PABPC4L: variants seen among roughly 807,000 people sequenced by gnomAD.
PABPC4L encodes polyadenylate-binding protein 4-like.
For missense variants in PABPC4L, 452 were observed against 451.4 expected (o/e 1.00, Z -0.01); for synonymous variants, 169 against 164.1 (o/e 1.03, Z -0.23).
chr4:134,029,819 A>T, the PABPC4L span, among the ~76,000 whole-genome samples: 61 of 151,996 alleles, frequency 4.0e-4, no homozygotes, highest in Middle Eastern at 3.4e-3. Context: ...TCCCACTCAA[A>T]TTTCATCTTG....
At chr4:134,165,609 G>A in the PABPC4L span, among the ~76,000 whole-genome samples, 1 of 152,124 alleles carries the variant, frequency 6.6e-6, no homozygotes, top group Non-Finnish European at 1.5e-5. Flanking sequence ...CAGCCAGAAT[G>A]ACCATTATTG....
At chr4:133,988,460 G>A in the PABPC4L span, among the ~76,000 whole-genome samples, 1 of 152,134 alleles carries the variant, frequency 6.6e-6, no homozygotes, top group African/African-American at 2.4e-5. Context: ...CCCCATACAA[G>A]TTCAAAATCT....
the PABPC4L span, among the ~76,000 whole-genome samples, chr4:134,117,259 C>G: frequency 6.6e-6 from 1 of 151,710 alleles, no homozygotes. Flanking sequence ...GAAGTAATTC[C>G]TAAAGCAAGC....
chr4:134,039,943 T>C, the PABPC4L span, among the ~76,000 whole-genome samples: 1 of 151,924 alleles, frequency 6.6e-6, no homozygotes, highest in Non-Finnish European at 1.5e-5. Context: ...GAGAGCCAAA[T>C]CATGAGTGAG....
At chr4:134,120,793 T>A in the PABPC4L span, among the ~76,000 whole-genome samples, 2 of 151,620 alleles carry the variant, frequency 1.3e-5, no homozygotes, top group Non-Finnish European at 3.0e-5. Context: ...GTTTACTATA[T>A]GTGTTTAGGG....
At chr4:133,989,815 T>C in the PABPC4L span, among the ~76,000 whole-genome samples, 1 of 152,030 alleles carries the variant, frequency 6.6e-6, no homozygotes, top group Non-Finnish European at 1.5e-5. Context: ...AATGGGTAAT[T>C]TATAAAGAAA....
chr4:134,152,631 C>G, the PABPC4L span, among the ~76,000 whole-genome samples: 1 of 152,146 alleles, frequency 6.6e-6, no homozygotes, highest in Non-Finnish European at 1.5e-5. Flanking sequence ...GCCCTCCAAA[C>G]GCTTCCAACC....
the PABPC4L span, among the ~76,000 whole-genome samples, chr4:134,040,289 AC>A: frequency 6.6e-6 from 1 of 152,094 alleles, no homozygotes. Context: ...AGCAAAAAGA[AC>A]AAAGCTGGAG....
the PABPC4L span, among the ~76,000 whole-genome samples, chr4:133,984,751 C>T: frequency 1.3e-5 from 2 of 151,826 alleles, no homozygotes; most frequent in Admixed American, 1.3e-4. Context: ...GCCCTGATTT[C>T]TTTTTACACC....
the PABPC4L span, among the ~76,000 whole-genome samples, chr4:134,190,444 A>T: frequency 6.6e-6 from 1 of 151,800 alleles, no homozygotes; most frequent in Non-Finnish European, 1.5e-5. Context: ...CTAATTCTTT[A>T]ATTTTTATTC....
chr4:134,041,420 C>A, the PABPC4L span, among the ~76,000 whole-genome samples: 1 of 152,086 alleles, frequency 6.6e-6, no homozygotes, highest in Admixed American at 6.6e-5. Flanking sequence ...AGTGCATGTC[C>A]TTTGCAGGGA....
chr4:134,044,918 T>G, the PABPC4L span, among the ~76,000 whole-genome samples: 1 of 152,148 alleles, frequency 6.6e-6, no homozygotes, highest in African/African-American at 2.4e-5. Context: ...ATGAGATAAT[T>G]CCTTACAAAA....
At chr4:134,025,265 CACTGCACTCCAGCCTGGGCA>C in the PABPC4L span, among the ~76,000 whole-genome samples, 10 of 140,252 alleles carry the variant, frequency 7.1e-5, no homozygotes, top group East Asian at 1.7e-3. Context: ...CCTGGGAGGC[CACTGCACTCCAGCCTGGGCA>C]ACAGAGCGAG....
chr4:134,006,901 CA>C, the PABPC4L span, among the ~76,000 whole-genome samples: 7 of 147,998 alleles, frequency 4.7e-5, no homozygotes, highest in South Asian at 4.3e-4. Flanking sequence ...AGCAATGATG[CA>C]AAAAAAAAAT....
At chr4:134,125,650 A>C in the PABPC4L span, among the ~76,000 whole-genome samples, 1 of 152,166 alleles carries the variant, frequency 6.6e-6, no homozygotes, top group Non-Finnish European at 1.5e-5. Flanking sequence ...ATGTTTATTA[A>C]AATTCAAATA....
At chr4:133,949,708 T>C in the PABPC4L span, among the ~76,000 whole-genome samples, 1 of 152,174 alleles carries the variant, frequency 6.6e-6, no homozygotes, top group South Asian at 2.1e-4. Context: ...TGGAGCTTGT[T>C]TTCCTTCCAA....
the PABPC4L span, among the ~76,000 whole-genome samples, chr4:134,050,100 T>G: frequency 6.6e-6 from 1 of 152,258 alleles, no homozygotes; most frequent in South Asian, 2.1e-4. Context: ...CTGAAATTAT[T>G]TAATAAGCAG....
chr4:133,950,705 G>T, the PABPC4L span, among the ~76,000 whole-genome samples: 1 of 152,130 alleles, frequency 6.6e-6, no homozygotes, highest in Non-Finnish European at 1.5e-5. Context: ...TCTGGAATTA[G>T]GCTAAATAGT....
chr4:134,040,969 A>G, the PABPC4L span, among the ~76,000 whole-genome samples: 1 of 152,218 alleles, frequency 6.6e-6, no homozygotes, highest in Non-Finnish European at 1.5e-5. Context: ...AAACATATGA[A>G]AAAAAGCTCA....
Sources: allele counts gnomAD v4.1 joint callset (sites outside exome capture counted in the v4.1 genomes callset), GRCh38; gene constraint gnomAD v4.1.1; transcripts MANE v1.5; gene names NCBI Gene and HGNC (gene_info 2026-07-23, HGNC 2026-07-21).